EYA4: variants seen among roughly 807,000 people sequenced by gnomAD.
EYA4 encodes EYA transcriptional coactivator and phosphatase 4, also known as protein phosphatase EYA4.
EYA4 carries 31 observed loss-of-function variants against 87.9 expected under a neutral mutation model. The observed-to-expected ratio is 0.35, with a 90% CI of 0.27 to 0.48. The LOEUF is 0.48. EYA4 is among the 20% of genes least tolerant of loss of function. The pLI, the probability that EYA4 is intolerant of heterozygous loss-of-function variation, is 0.99. For synonymous variants in EYA4, 263 were observed against 270.6 expected, an observed-to-expected ratio of 0.97 and a Z score of 0.28; for missense variants, 678 against 761.4, an observed-to-expected ratio of 0.89 and a Z score of 1.29.
intron 2 of EYA4, among the ~76,000 whole-genome samples, chr6:133,327,763 C>A (rs1007157051): frequency 2.6e-5 from 4 of 152,058 alleles, no homozygotes; most frequent in African/African-American, 9.7e-5. Context: ...GGAATTTATT[C>A]TTTTATTATA....
intron 2 of EYA4, among the ~76,000 whole-genome samples, chr6:133,300,406 A>G (rs1017629813): frequency 1.3e-5 from 2 of 152,192 alleles, no homozygotes; most frequent in South Asian, 2.1e-4. Flanking sequence ...TAACACAACT[A>G]TGTGGCTGAA....
chr6:133,506,302 C>A, intron 14 of EYA4, 107 bp downstream of exon 14: 1 of 670,684 alleles, frequency 1.5e-6, no homozygotes, highest in Non-Finnish European at 2.6e-6. Context: ...AAATTCAGCT[C>A]AAGAGAAGCA....
intron 3 of EYA4, among the ~76,000 whole-genome samples, chr6:133,440,225 T>A (rs925217764): frequency 4.9e-5 from 7 of 141,526 alleles, no homozygotes; most frequent in African/African-American, 7.6e-5. Flanking sequence ...AATGTGCCTA[T>A]ATAAAAATGT....
chr6:133,269,765 G>C (rs764688078), intron 1 of EYA4, among the ~76,000 whole-genome samples: 1 of 151,418 alleles, frequency 6.6e-6, no homozygotes. Context: ...TCTGTATTAG[G>C]GTTCTCTAGA....
At chr6:133,331,027 G>GTTTTTTT (rs71636692) in intron 2 of EYA4, among the ~76,000 whole-genome samples, 3 of 113,702 alleles carry the variant, frequency 2.6e-5, no homozygotes, top group African/African-American at 3.6e-5. Flanking sequence ...AACCAAACGG[G>GTTTTTTT]TTTTTTTTTT....
At chr6:133,383,869 G>A (rs1786471535) in intron 3 of EYA4, among the ~76,000 whole-genome samples, 1 of 152,158 alleles carries the variant, frequency 6.6e-6, no homozygotes, top group East Asian at 1.9e-4. Context: ...GTTCTAGGAT[G>A]TGCGAACAGA....
chr6:133,332,375 C>CT (rs1782030162), intron 2 of EYA4, among the ~76,000 whole-genome samples: 1 of 152,156 alleles, frequency 6.6e-6, no homozygotes, highest in Non-Finnish European at 1.5e-5. Flanking sequence ...TTTAACAAGG[C>CT]TTCTCCCACT....
At chr6:133,490,830 C>T (rs1259543080) in intron 13 of EYA4, among the ~76,000 whole-genome samples, 1 of 152,148 alleles carries the variant, frequency 6.6e-6, no homozygotes. Context: ...AAACACTGGA[C>T]TTAATCTGCA....
intron 3 of EYA4, among the ~76,000 whole-genome samples, chr6:133,398,671 A>C (rs991587274): frequency 1.1e-4 from 16 of 152,198 alleles, no homozygotes; most frequent in African/African-American, 3.9e-4. Context: ...TTGCTTAAAA[A>C]CTTTGAGAAG....
chr6:133,503,252 C>T (rs1798294846), intron 13 of EYA4, among the ~76,000 whole-genome samples: 1 of 152,142 alleles, frequency 6.6e-6, no homozygotes. Flanking sequence ...TGGAATTGAT[C>T]AAAGTAACAA....
At chr6:133,308,950 T>C (rs1331345366) in intron 2 of EYA4, among the ~76,000 whole-genome samples, 1 of 140,252 alleles carries the variant, frequency 7.1e-6, no homozygotes, top group African/African-American at 2.8e-5. Flanking sequence ...GGTATTTTTT[T>C]GAATTTTTTT....
rs552148856 is a variant in EYA4, at chr6:133,382,398, A to G, written c.40A>G (p.Lys14Glu). ...SQDLNEQSVK[K>E]TCTESDVSQS... ...TAGTACTCTTTTCTTACAGGTAAAG[A>G]AAACGTGCACAGAATCAGATGTTTC... Residue 14 changes from lysine (K) to glutamate (E), a missense_variant, in exon 3 of 20, where the codon AAA (lysine) becomes GAA (glutamate). By Grantham distance (56) the Lys-to-Glu change is moderately conservative (BLOSUM62 1). Transcript: ENST00000355286. 1.2e-6 allele frequency: 2 copies of G among 1,608,960 alleles called. No individual in the cohort carries two copies. The highest frequency in any genetic ancestry group is 2.2e-5 in the South Asian group (2 of 90,998).
intron 1 of EYA4, chr6:133,246,924 T>A (rs1774455594): frequency 6.6e-6 from 1 of 152,238 alleles, no homozygotes; most frequent in Non-Finnish European, 1.5e-5. Context: ...CTCCCCAGTA[T>A]GAGGCCAGCA....
chr6:133,427,330 T>C (rs1790761011), intron 3 of EYA4, among the ~76,000 whole-genome samples: 1 of 152,238 alleles, frequency 6.6e-6, no homozygotes, highest in Non-Finnish European at 1.5e-5. Context: ...CTGTACAAGA[T>C]AGTGTCAATT....
chr6:133,332,353 A>T (rs1021160217), intron 2 of EYA4, among the ~76,000 whole-genome samples: 12 of 152,200 alleles, frequency 7.9e-5, no homozygotes, highest in Admixed American at 2.0e-4. Flanking sequence ...ATCTGAACTA[A>T]ACTCTGAAAT....
chr6:133,308,390 A>G (rs1307524303), intron 2 of EYA4, among the ~76,000 whole-genome samples: 1 of 152,242 alleles, frequency 6.6e-6, no homozygotes, highest in Non-Finnish European at 1.5e-5. Context: ...TAATTAAAAA[A>G]AACTTCAACT....
intron 2 of EYA4, among the ~76,000 whole-genome samples, chr6:133,315,001 A>G (rs892002615): frequency 1.3e-5 from 2 of 152,170 alleles, no homozygotes; most frequent in African/African-American, 4.8e-5. Flanking sequence ...CTTTAAGAGA[A>G]CATTCTATAT....
intron 2 of EYA4, among the ~76,000 whole-genome samples, chr6:133,306,564 G>A (rs1439313524): frequency 1.3e-5 from 2 of 152,172 alleles, no homozygotes; most frequent in Admixed American, 6.5e-5. Flanking sequence ...ATGTTTTAAT[G>A]TGACGATTTA....
chr6:133,461,498 T>A (rs1168811923), intron 7 of EYA4, among the ~76,000 whole-genome samples: 2 of 152,176 alleles, frequency 1.3e-5, no homozygotes, highest in African/African-American at 4.8e-5. Flanking sequence ...GAAATTCTTT[T>A]GTTGGATTTC....
Sources: allele counts gnomAD v4.1 joint callset (sites outside exome capture counted in the v4.1 genomes callset), GRCh38; gene constraint gnomAD v4.1.1; transcripts MANE v1.5; gene names NCBI Gene and HGNC (gene_info 2026-07-23, HGNC 2026-07-21).